The following LARGE1 variants were observed in gnomAD, a reference collection of about 807,000 sequenced individuals.
The protein encoded by LARGE1 is xylosyl- and glucuronyltransferase LARGE1.
LARGE1 carries 43 observed loss-of-function variants against 87.6 expected under a neutral mutation model. The ratio of observed to expected loss-of-function variants is 0.49; its 90% CI spans 0.38 to 0.63. LARGE1 has a LOEUF of 0.63. Among genes scored for constraint, LARGE1 ranks in the 30% least tolerant of loss-of-function variants. LARGE1 has a pLI of 0.00. For synonymous variants in LARGE1, 434 were observed against 394.6 expected (o/e 1.10, Z -1.18); for missense variants, 802 against 1,000.2 (o/e 0.80, Z 2.67).
chr22:33,717,227 C>G (rs2082939077), intron 2 of LARGE1, among the ~76,000 whole-genome samples: 1 of 152,114 alleles, frequency 6.6e-6, no homozygotes, highest in African/African-American at 2.4e-5. Flanking sequence ...CCATCTACCC[C>G]CACAGTGCAC....
intron 4 of LARGE1, among the ~76,000 whole-genome samples, chr22:33,614,877 G>A (rs769748886): frequency 6.6e-5 from 10 of 152,170 alleles, no homozygotes; most frequent in Admixed American, 3.9e-4. Context: ...AGCGCTTAGA[G>A]AGCATCTAGC....
chr22:33,707,464 C>T (rs1036926971), intron 2 of LARGE1, among the ~76,000 whole-genome samples: 2 of 152,180 alleles, frequency 1.3e-5, no homozygotes, highest in Non-Finnish European at 2.9e-5. Flanking sequence ...TCCTAAAATC[C>T]TATAGATGGG....
intron 12 of LARGE1, among the ~76,000 whole-genome samples, chr22:33,298,230 C>T (rs1040046958): frequency 1.3e-5 from 2 of 152,162 alleles, no homozygotes; most frequent in Non-Finnish European, 2.9e-5. Flanking sequence ...AATCCCGATG[C>T]TAGCAATGGC....
chr22:33,702,165 G>A (rs141076004), intron 2 of LARGE1, among the ~76,000 whole-genome samples: 10 of 152,326 alleles, frequency 6.6e-5, no homozygotes, highest in East Asian at 1.9e-4. Context: ...CATAATAACC[G>A]CTTAATAAAT....
At chr22:33,207,019 C>T (rs552959070) in intron 11 of LARGE1, among the ~76,000 whole-genome samples, 1 of 152,270 alleles carries the variant, frequency 6.6e-6, no homozygotes, top group East Asian at 1.9e-4. Context: ...CCTTTTGATT[C>T]TCCTTCATTA....
chr22:33,156,883 C>G, the LARGE1 span, among the ~76,000 whole-genome samples: 2 of 152,036 alleles, frequency 1.3e-5, no homozygotes, highest in Admixed American at 6.6e-5. Flanking sequence ...GGTGGCAGGT[C>G]TTTCCTGTGC....
chr22:33,068,126 C>T, the LARGE1 span, among the ~76,000 whole-genome samples: 1 of 152,074 alleles, frequency 6.6e-6, no homozygotes, highest in African/African-American at 2.4e-5. Context: ...ACAGAGAAAA[C>T]CATGGCTTTT....
At chr22:33,391,079 C>T (rs1382501689) in intron 7 of LARGE1, among the ~76,000 whole-genome samples, 1 of 152,188 alleles carries the variant, frequency 6.6e-6, no homozygotes, top group Admixed American at 6.5e-5. Flanking sequence ...GATCCACCCG[C>T]CTCGGCCTCC....
chr22:33,462,244 T>G (rs553476727), intron 6 of LARGE1, among the ~76,000 whole-genome samples: 2 of 152,118 alleles, frequency 1.3e-5, no homozygotes, highest in South Asian at 4.1e-4. Flanking sequence ...ATACCTTCAG[T>G]GTGCTGAGAG....
At chr22:33,176,418 T>A (rs1922873369) in intron 11 of LARGE1, among the ~76,000 whole-genome samples, 1 of 152,140 alleles carries the variant, frequency 6.6e-6, no homozygotes, top group Admixed American at 6.5e-5. Context: ...GACAAAGGGC[T>A]AATATCCAGA....
At chr22:33,160,740 C>T (rs1402533962), downstream of LARGE1, among the ~76,000 whole-genome samples, 1 of 152,180 alleles carries the variant, frequency 6.6e-6, no homozygotes, top group African/African-American at 2.4e-5. Flanking sequence ...ACCCTATGTT[C>T]CAGACATAGT....
intron 11 of LARGE1, among the ~76,000 whole-genome samples, chr22:33,235,922 T>A (rs2001070): frequency 0.19 from 28,167 of 152,150 alleles, 2,890 homozygotes; most frequent in South Asian, 0.31. Flanking sequence ...ATAATTAAGA[T>A]GAGATCATAC....
chr22:33,350,892 G>C (rs374737052), intron 9 of LARGE1, among the ~76,000 whole-genome samples: 1 of 152,186 alleles, frequency 6.6e-6, no homozygotes. Context: ...ATGGGTTCTT[G>C]CATGGATACC....
chr22:33,426,168 G>A (rs565207164), intron 7 of LARGE1, among the ~76,000 whole-genome samples: 4 of 152,274 alleles, frequency 2.6e-5, no homozygotes, highest in Admixed American at 6.5e-5. Context: ...TCTCAATCAT[G>A]GAAGAGGCTC....
intron 11 of LARGE1, among the ~76,000 whole-genome samples, chr22:33,223,044 G>T (rs1317459521): frequency 6.6e-6 from 1 of 152,174 alleles, no homozygotes; most frequent in African/African-American, 2.4e-5. Context: ...TGGGTGTGAA[G>T]TTGTGCCAGC....
intron 2 of LARGE1, among the ~76,000 whole-genome samples, chr22:33,753,905 CA>C (rs530453498): frequency 1.3e-5 from 2 of 151,132 alleles, no homozygotes; most frequent in Non-Finnish European, 2.9e-5. Context: ...ACTAAAAAAA[CA>C]AAAAAAATAA....
At chr22:33,812,644 C>T (rs1047766848) in intron 1 of LARGE1, among the ~76,000 whole-genome samples, 1 of 152,220 alleles carries the variant, frequency 6.6e-6, no homozygotes, top group African/African-American at 2.4e-5. Flanking sequence ...TCTATCAGTC[C>T]CTCTGCAATG....
intron 11 of LARGE1, among the ~76,000 whole-genome samples, chr22:33,213,972 C>A (rs907346932): frequency 6.6e-6 from 1 of 152,140 alleles, no homozygotes; most frequent in African/African-American, 2.4e-5. Context: ...GGGACTACAG[C>A]CGCCCGCCAG....
At chr22:33,489,856 C>T (rs79087486) in intron 6 of LARGE1, among the ~76,000 whole-genome samples, 587 of 152,256 alleles carry the variant, frequency 3.9e-3, no homozygotes, top group African/African-American at 9.5e-3. Context: ...ACACTGCAGG[C>T]GCTCAGATGA....
Sources: allele counts gnomAD v4.1 joint callset (sites outside exome capture counted in the v4.1 genomes callset), GRCh38; gene constraint gnomAD v4.1.1; transcripts MANE v1.5; gene names NCBI Gene and HGNC (gene_info 2026-07-23, HGNC 2026-07-21).